TRIM67: variants seen among roughly 807,000 people sequenced by gnomAD.
TRIM67 encodes the protein tripartite motif containing 67.
Under a neutral mutation model 71.0 loss-of-function variants are expected in TRIM67, and 39 were observed. The ratio of observed to expected loss-of-function variants is 0.55; its 90% CI spans 0.43 to 0.72. TRIM67 has a LOEUF of 0.72. Among genes scored for constraint, TRIM67 ranks in the 30% least tolerant of loss-of-function variants. The pLI, the probability that TRIM67 is intolerant of heterozygous loss-of-function variation, is 0.00. For missense variants in TRIM67, 973 were observed against 1,079.2 expected (o/e 0.90, Z 1.38); for synonymous variants, 481 against 473.9 (o/e 1.01, Z -0.19).
chr1:231,191,288 C>G (rs548850003), intron 1 of TRIM67, among the ~76,000 whole-genome samples: 1 of 152,304 alleles, frequency 6.6e-6, no homozygotes, highest in East Asian at 1.9e-4. Context: ...TAGTCTAGAA[C>G]TCCTGGGCTC....
chr1:231,220,281 T>C lies in TRIM67; in HGVS notation c.*4841T>C. On this transcript the variant is annotated 3_prime_UTR_variant, in exon 10 of 10. Transcript: ENST00000366653. ...ATAGACCTTTAAGACAGGTTTCCTA[T>C]GACCATAGAAAGTAACACCCCATAT... 2 of 262,366 alleles carry C rather than the reference T, an allele frequency of 7.6e-6. No homozygotes were observed. The highest frequency in any genetic ancestry group is 8.2e-5 in the South Asian group (2 of 24,478). 16.3% of individuals were successfully genotyped at this position (262,366 alleles called of 1,614,324 possible).
intron 1 of TRIM67, among the ~76,000 whole-genome samples, chr1:231,190,240 A>C (rs1335027240): frequency 6.6e-6 from 1 of 152,164 alleles, no homozygotes; most frequent in Admixed American, 6.5e-5. Flanking sequence ...CTGTGTTGAC[A>C]GAGTCGTGGC....
At chr1:231,193,550 C>CTCTCTT (rs58450029) in intron 1 of TRIM67, among the ~76,000 whole-genome samples, 2 of 142,480 alleles carry the variant, frequency 1.4e-5, no homozygotes, top group South Asian at 2.3e-4. Flanking sequence ...CTCTCTCTCT[C>CTCTCTT]CTCTTGGTGC....
rs1263548239 is a variant in TRIM67, at chr1:231,217,065, C to T, written c.*1625C>T. On this transcript the variant is annotated 3_prime_UTR_variant, in exon 10 of 10. Transcript: ENST00000366653. ...TGGTTCTGCCTTCCTGTTCAGACACCGCGCCTGCTTTCTGAGTAACTGCCT... is the reference window on the plus strand; with the variant it reads ...TGGTTCTGCCTTCCTGTTCAGACACTGCGCCTGCTTTCTGAGTAACTGCCT... 10 of 985,914 alleles carry T rather than the reference C, an allele frequency of 1.0e-5. No homozygotes were observed. The South Asian group carries it at 3.3e-4, about 32-fold the overall frequency. 61.1% of individuals were successfully genotyped at this position (985,914 alleles called of 1,614,324 possible). A position where few individuals can be genotyped will look rare whatever the true frequency, so the allele number is the denominator to read the frequency against.
At chr1:231,169,391 T>TTTTG in intron 1 of TRIM67, among the ~76,000 whole-genome samples, 1 of 147,426 alleles carries the variant, frequency 6.8e-6, no homozygotes, top group East Asian at 2.0e-4. Context: ...TTTTTTTTTT[T>TTTTG]TTGAGACAAC....
intron 1 of TRIM67, among the ~76,000 whole-genome samples, chr1:231,195,561 C>T (rs1683345677): frequency 6.6e-6 from 1 of 152,208 alleles, no homozygotes; most frequent in African/African-American, 2.4e-5. Flanking sequence ...AGGAGCTGCA[C>T]CTCCGCTGAT....
chr1:231,216,929 A>T lies in TRIM67; in HGVS notation c.*1489A>T. 2 of 985,656 alleles carry T rather than the reference A, an allele frequency of 2.0e-6. No homozygotes were observed. The highest frequency in any genetic ancestry group is 2.4e-6 in the Non-Finnish European group (2 of 829,952). 61.1% of individuals were successfully genotyped at this position (985,656 alleles called of 1,614,324 possible). ...GTAACATTTCTCTCTCCTTTTAAAAAGAATATATTTTGTCAAGCATTTTAT... is the reference window on the plus strand; with the variant it reads ...GTAACATTTCTCTCTCCTTTTAAAATGAATATATTTTGTCAAGCATTTTAT... On this transcript the variant is annotated 3_prime_UTR_variant, in exon 10 of 10. Transcript: ENST00000366653.
At chr1:231,211,999 G>T (rs1683885519) in intron 8 of TRIM67, among the ~76,000 whole-genome samples, 1 of 152,140 alleles carries the variant, frequency 6.6e-6, no homozygotes, top group South Asian at 2.1e-4. Context: ...ACTTTGAGAC[G>T]AATTAAGAGT....
intron 1 of TRIM67, among the ~76,000 whole-genome samples, chr1:231,177,036 A>C (rs1682772646): frequency 6.6e-6 from 1 of 152,176 alleles, no homozygotes; most frequent in African/African-American, 2.4e-5. Flanking sequence ...CCCAGGAGGA[A>C]AAGGGCAGGG....
At chr1:231,213,697 C>T in intron 8 of TRIM67, 118 bp from the exon 9 acceptor site, 1 of 1,311,802 alleles carries the variant, frequency 7.6e-7, no homozygotes, top group Non-Finnish European at 1.0e-6. Context: ...CGTCACTGCA[C>T]TCCAGCCTGG....
intron 1 of TRIM67, among the ~76,000 whole-genome samples, chr1:231,173,396 A>G (rs569671190): frequency 2.9e-4 from 44 of 152,308 alleles, no homozygotes; most frequent in African/African-American, 9.9e-4. Context: ...TAAAATACCA[A>G]TAGTACTTAG....
Position 231,209,625 on chromosome 1 carries a change from G to A in TRIM67, c.2123+375G>A, listed in dbSNP as rs1683813589. ...GCAGGGTGTTAATGGGCACCACTGG[G>A]GCTGGTGTCCTCACAGCTGTGACCA... On this transcript the variant is annotated intron_variant, in intron 8 of 9. Coordinates refer to ENST00000366653, the MANE Select transcript of TRIM67 (RefSeq NM_001004342.5). This position sits in a 1 kb window ranked among gnomAD's most constrained non-coding sequence, Gnocchi z 4.1. 6.6e-6 allele frequency among the ~76,000 whole-genome samples: 1 copy of A among 152,176 alleles called. No homozygotes were observed. The highest frequency in any genetic ancestry group is 1.5e-5 in the Non-Finnish European group (1 of 68,030).
intron 1 of TRIM67, among the ~76,000 whole-genome samples, chr1:231,183,854 T>C (rs186380117): frequency 7.2e-5 from 11 of 152,262 alleles, no homozygotes; most frequent in African/African-American, 1.9e-4. Flanking sequence ...AGTAAGTGAC[T>C]CACCTAATGT....
At chr1:231,208,814 T>C (rs1683782911) in intron 7 of TRIM67, 133 bp from the exon 8 acceptor site, 2 of 784,906 alleles carry the variant, frequency 2.5e-6, no homozygotes, top group Admixed American at 5.1e-5. Context: ...GTGGTAATCA[T>C]ACAGGAAAGA....
At chr1:231,213,345 C>T (rs1476545908) in intron 8 of TRIM67, among the ~76,000 whole-genome samples, 1 of 152,184 alleles carries the variant, frequency 6.6e-6, no homozygotes, top group Non-Finnish European at 1.5e-5. Flanking sequence ...GGTGTGTCCA[C>T]TGTGAGAGAA....
At chr1:231,204,321 C>T (rs1246152836) in intron 6 of TRIM67, among the ~76,000 whole-genome samples, 1 of 152,168 alleles carries the variant, frequency 6.6e-6, no homozygotes, top group Non-Finnish European at 1.5e-5. Context: ...TTTTGTCACA[C>T]CTTGTCTTGT....
intron 1 of TRIM67, among the ~76,000 whole-genome samples, chr1:231,183,763 C>T (rs1306126153): frequency 2.0e-5 from 3 of 152,174 alleles, no homozygotes; most frequent in African/African-American, 2.4e-5. Flanking sequence ...CAGTTATTAA[C>T]TCACCTAATC....
At chr1:231,171,852 T>C (rs1682627020) in intron 1 of TRIM67, among the ~76,000 whole-genome samples, 1 of 152,164 alleles carries the variant, frequency 6.6e-6, no homozygotes, top group African/African-American at 2.4e-5. Context: ...CCCAGCACTT[T>C]GGAAGGCAGA....
Position 231,218,198 on chromosome 1 carries a change from A to G in TRIM67, c.*2758A>G. 2 of 1,022,244 alleles carry G rather than the reference A, an allele frequency of 2.0e-6. No individual in the cohort carries two copies. The highest frequency in any genetic ancestry group is 2.3e-6 in the Non-Finnish European group (2 of 851,172). 63.3% of individuals were successfully genotyped at this position (1,022,244 alleles called of 1,614,324 possible). A position where few individuals can be genotyped will look rare whatever the true frequency, so the allele number is the denominator to read the frequency against. ...GAAGGTCCCGGGTTTCAGAGTAGAA[A>G]TGACAGACAGGTCATGGAATTCTCA... On this transcript the variant is annotated 3_prime_UTR_variant, in exon 10 of 10. Transcript: ENST00000366653.
Sources: gnomAD v4.1 joint callset for allele counts (sites outside exome capture counted in the v4.1 genomes callset) on GRCh38, gnomAD v4.1.1 for gene constraint, Gnocchi (gnomAD v3.1) non-coding constraint, MANE v1.5 for transcripts, NCBI Gene and HGNC (gene_info 2026-07-23, HGNC 2026-07-21) for gene names.